THSD7B: variants seen among roughly 807,000 people sequenced by gnomAD.
THSD7B encodes the protein thrombospondin type 1 domain containing 7B.
Under a neutral mutation model 213.6 loss-of-function variants are expected in THSD7B, and 138 were observed. The ratio of observed to expected loss-of-function variants is 0.65; its 90% CI spans 0.56 to 0.74. The LOEUF (loss-of-function observed/expected upper bound fraction) is 0.74. Ranked by LOEUF, THSD7B falls within the 30% of genes least tolerant of loss-of-function variation. The pLI is 0.00. For synonymous variants in THSD7B, 742 were observed against 687.0 expected (o/e 1.08, Z -1.25); for missense variants, 1,931 against 1,991.5 (o/e 0.97, Z 0.58).
At chr2:137,416,577 A>T (rs1033630015) in intron 14 of THSD7B, among the ~76,000 whole-genome samples, 16 of 152,220 alleles carry the variant, frequency 1.1e-4, no homozygotes, top group African/African-American at 3.9e-4. Flanking sequence ...TACCTATCAC[A>T]GGCTCTGGCC....
At chr2:137,609,433 C>A (rs1206300503) in intron 17 of THSD7B, among the ~76,000 whole-genome samples, 1 of 152,138 alleles carries the variant, frequency 6.6e-6, no homozygotes, top group African/African-American at 2.4e-5. Flanking sequence ...AATAAAGCAG[C>A]AAGTCATGCA....
At chr2:137,149,611 A>C (rs1309905617) in intron 5 of THSD7B, among the ~76,000 whole-genome samples, 1 of 152,174 alleles carries the variant, frequency 6.6e-6, no homozygotes, top group Non-Finnish European at 1.5e-5. Flanking sequence ...ATGAGAGCCC[A>C]CCTCTTGCAT....
At chr2:136,854,025 C>G (rs934797969) in intron 1 of THSD7B, among the ~76,000 whole-genome samples, 1 of 152,162 alleles carries the variant, frequency 6.6e-6, no homozygotes, top group African/African-American at 2.4e-5. Flanking sequence ...ACAGGATGCT[C>G]TAGGCTCATC....
rs76805509 is a variant in THSD7B at position 137,351,885 on chromosome 2, G to A, written c.2501-53728G>A. Among the ~76,000 whole-genome samples the A allele has an allele frequency of 9.9e-3, 1,509 of 152,004 alleles. 29 individuals carry two copies. The highest frequency in any genetic ancestry group is 0.035 in the African/African-American group (1,454 of 41,500). On this transcript the variant is annotated intron_variant, in intron 12 of 27. Transcript: ENST00000409968. Reference sequence around the variant, plus strand: ...TTGTTCAATCCATAGCTTGGGCCACGTGCAGCCCAAGACAGCTTTGAATGT... The same window carrying A: ...TTGTTCAATCCATAGCTTGGGCCACATGCAGCCCAAGACAGCTTTGAATGT...
chr2:137,306,701 A>G (rs564964880), intron 12 of THSD7B, among the ~76,000 whole-genome samples: 2 of 151,964 alleles, frequency 1.3e-5, no homozygotes, highest in Admixed American at 6.6e-5. Context: ...CATGTTTTCT[A>G]TATTTACCCT....
intron 15 of THSD7B, among the ~76,000 whole-genome samples, chr2:137,558,390 G>C (rs1681031766): frequency 6.6e-6 from 1 of 152,160 alleles, no homozygotes; most frequent in Admixed American, 6.5e-5. Flanking sequence ...TCATCCCTGG[G>C]ATGCAAGGCT....
At chr2:136,802,639 T>TCATATATA (rs1682205694) in intron 1 of THSD7B, among the ~76,000 whole-genome samples, 1 of 57,362 alleles carries the variant, frequency 1.7e-5, no homozygotes, top group Non-Finnish European at 3.9e-5. Context: ...TGAATTAAGT[T>TCATATATA]TATATATATA....
At chr2:137,190,663 T>G (rs910688371) in intron 7 of THSD7B, among the ~76,000 whole-genome samples, 1 of 152,158 alleles carries the variant, frequency 6.6e-6, no homozygotes, top group African/African-American at 2.4e-5. Flanking sequence ...GTGCTGAATA[T>G]GGAACCAGAA....
At chr2:137,063,658 C>T (rs573175396) in intron 3 of THSD7B, among the ~76,000 whole-genome samples, 9 of 152,020 alleles carry the variant, frequency 5.9e-5, no homozygotes, top group African/African-American at 1.9e-4. Flanking sequence ...CATTAATCTC[C>T]ATTTTCCCCA....
intron 5 of THSD7B, among the ~76,000 whole-genome samples, chr2:137,125,042 T>G (rs923296017): frequency 1.3e-5 from 2 of 152,204 alleles, no homozygotes; most frequent in African/African-American, 4.8e-5. Context: ...CCAATTCTTT[T>G]GAAACTCAGT....
At chr2:136,978,077 G>A (rs1685512658) in intron 2 of THSD7B, among the ~76,000 whole-genome samples, 1 of 152,124 alleles carries the variant, frequency 6.6e-6, no homozygotes, top group Non-Finnish European at 1.5e-5. Context: ...GGGATTACAG[G>A]CGTGAGCCAC....
chr2:137,153,914 T>C (rs1679862683), intron 5 of THSD7B, among the ~76,000 whole-genome samples: 1 of 152,164 alleles, frequency 6.6e-6, no homozygotes, highest in Non-Finnish European at 1.5e-5. Context: ...TGGTGATTTT[T>C]GGTTGTTTCT....
At chr2:137,331,675 A>C (rs929776351) in intron 12 of THSD7B, among the ~76,000 whole-genome samples, 5 of 151,990 alleles carry the variant, frequency 3.3e-5, no homozygotes, top group African/African-American at 1.2e-4. Context: ...CTCATCGGGG[A>C]GGCTCTGGCC....
intron 1 of THSD7B, among the ~76,000 whole-genome samples, chr2:136,856,280 C>A (rs1365942): frequency 0.76 from 114,801 of 151,952 alleles, 43,607 homozygotes; most frequent in Middle Eastern, 0.85. Flanking sequence ...GAGGATGGGA[C>A]TGTTAGGAAA....
chr2:137,588,692 A>G (rs79667380), intron 17 of THSD7B, among the ~76,000 whole-genome samples: 32,825 of 151,822 alleles, frequency 0.22, 3,724 homozygotes, highest in Middle Eastern at 0.32. Context: ...TTTATCACAT[A>G]ATAATGTGTA....
intron 14 of THSD7B, among the ~76,000 whole-genome samples, chr2:137,419,630 C>T (rs981110862): frequency 6.6e-6 from 1 of 151,048 alleles, no homozygotes; most frequent in African/African-American, 2.4e-5. Flanking sequence ...AAGGTGGGCA[C>T]AACAGTGTAG....
At position 137,305,692 on chromosome 2, in the gene THSD7B, T is replaced by C. The variant is rs377015035; in HGVS notation, c.2500+29666T>C. 2.0e-5 allele frequency among the ~76,000 whole-genome samples: 3 copies of C among 152,126 alleles called. No individual in the cohort carries two copies. The East Asian group carries it at 5.8e-4, about 29-fold the overall frequency. Reference sequence around the variant, plus strand: ...CCTTCCTTACCCCTTTTAAATCTCTTAGACTCTCCCTTGTGACCCTCTCTA... The same window carrying C: ...CCTTCCTTACCCCTTTTAAATCTCTCAGACTCTCCCTTGTGACCCTCTCTA... On this transcript the variant is annotated intron_variant, in intron 12 of 27. Coordinates refer to ENST00000409968, the MANE Select transcript of THSD7B (RefSeq NM_001316349.2).
At position 137,056,968 on chromosome 2, in the gene THSD7B, A is replaced by G. The variant is rs1185691046; in HGVS notation, c.688A>G (p.Ile230Val). Residue 230 changes from isoleucine (I) to valine (V), a missense_variant, in exon 3 of 28, where the codon ATT (isoleucine) becomes GTT (valine). Ile to Val is a conservative substitution (Grantham distance 29, BLOSUM62 3). Coordinates refer to ENST00000409968, the MANE Select transcript of THSD7B (RefSeq NM_001316349.2). ...TGAGTCAAGAGCCTGTGATGCTCCC[A>G]TTTCCTGTCCTCTTGGGGAAGAGGA... ...LTESRACDAP[I>V]SCPLGEEEYT... The G allele has an allele frequency of 1.2e-6, 2 of 1,613,800 alleles. No homozygotes were observed. Among genetic ancestry groups the G allele is most frequent in the East Asian group, 2.2e-5 (1 of 44,862 alleles).
At chr2:136,994,620 G>A (rs994373145) in intron 2 of THSD7B, among the ~76,000 whole-genome samples, 1 of 152,066 alleles carries the variant, frequency 6.6e-6, no homozygotes, top group Non-Finnish European at 1.5e-5. Context: ...CCTGAGATAG[G>A]TAGTTTGCAT....
Sources: gnomAD v4.1 joint callset for allele counts (sites outside exome capture counted in the v4.1 genomes callset) on GRCh38, gnomAD v4.1.1 for gene constraint, MANE v1.5 for transcripts, NCBI Gene and HGNC (gene_info 2026-07-23, HGNC 2026-07-21) for gene names.